The following MFSD2B variants were observed in gnomAD, a reference collection of about 807,000 sequenced individuals.
The protein encoded by MFSD2B is MFSD2 lysolipid transporter B, sphingolipid.
In MFSD2B, 56 loss-of-function variants were observed where a neutral mutation model predicts 58.4. That is an observed-to-expected ratio of 0.96 (90% CI 0.77 to 1.20). The LOEUF is 1.20. Ranked by LOEUF, MFSD2B falls within the 50% of genes most tolerant of loss-of-function variation. The pLI is 0.00. For synonymous variants in MFSD2B, 287 were observed against 294.4 expected (o/e 0.97, Z 0.26); for missense variants, 645 against 667.6 (o/e 0.97, Z 0.37).
Position 24,022,826 on chromosome 2 carries a change from C to G in MFSD2B, c.983C>G (p.Ser328Ter). Reference protein sequence around the residue: ...VQGLVLTVLVSAVLSTPLWEW... With the variant: ...VQGLVLTVLV Reference sequence around the variant, plus strand: ...GACGATGCTGTCTGCTCACAGGTCTCAGCCGTGCTGAGCACCCCGCTGTGG... The same window carrying G: ...GACGATGCTGTCTGCTCACAGGTCTGAGCCGTGCTGAGCACCCCGCTGTGG... Residue 328 changes from serine (S) to a stop codon, truncating the protein, a stop_gained, in exon 10 of 14, where the codon TCA (serine) becomes TGA (stop). Transcript: ENST00000338315. LOFTEE classifies it high-confidence loss of function. The surrounding 1 kb of genome is among the most constrained non-coding windows in gnomAD (Gnocchi z 4.5). The G allele has an allele frequency of 6.3e-7, 1 of 1,594,232 alleles. No individual in the cohort carries two copies. The highest frequency in any genetic ancestry group is 8.5e-7 in the Non-Finnish European group (1 of 1,171,414).
At chr2:24,016,790 T>G in intron 3 of MFSD2B, 55 bp from the exon 4 acceptor site, 1 of 1,600,064 alleles carries the variant, frequency 6.2e-7, no homozygotes, top group Non-Finnish European at 8.5e-7. Context: ...GCTGGGCCCT[T>G]TGTGTTCCCC....
rs538381798 is a variant in MFSD2B, at chr2:24,016,829, G to A, written c.348-16G>A. ...CTGGGTCGGGGGGCCGCTCCACCTCGGCTGTGCTTCCGCAGGGTGCTGGGC... is the reference window on the plus strand; with the variant it reads ...CTGGGTCGGGGGGCCGCTCCACCTCAGCTGTGCTTCCGCAGGGTGCTGGGC... On this transcript the variant is annotated splice_polypyrimidine_tract_variant and intron_variant, in intron 3 of 13. Transcript: ENST00000338315. 1.7e-5 allele frequency: 27 copies of A among 1,612,208 alleles called. No individual in the cohort carries two copies. Among genetic ancestry groups the A allele is most frequent in the African/African-American group, 2.7e-5 (2 of 75,062 alleles).
At position 24,017,504 on chromosome 2, in the gene MFSD2B, C is replaced by T. The variant is rs751506379; in HGVS notation, c.597C>T (p.His199=). The T allele has an allele frequency of 2.6e-5, 41 of 1,593,922 alleles. No homozygotes were observed. Among genetic ancestry groups the T allele is most frequent in the South Asian group, 1.1e-4 (10 of 87,696 alleles). The part of the protein sequence containing the change: ...MAGTLMGATV[H]GLIVSGAHRP... ...GAACACTGATGGGGGCCACTGTCCA[C>T]GGGCTCATCGTGTCCGGCGCCCACA... Residue 199 remains histidine (H), a synonymous_variant, in exon 6 of 14, where the codon CAC becomes CAT. Transcript: ENST00000338315. This position sits in a 1 kb window ranked among gnomAD's most constrained non-coding sequence, Gnocchi z 4.8.
Position 24,013,230 on chromosome 2 carries a change from G to A in MFSD2B, c.97-55G>A, listed in dbSNP as rs1488376647. On this transcript the variant is annotated intron_variant, in intron 1 of 13. Coordinates refer to ENST00000338315, the MANE Select transcript of MFSD2B (RefSeq NM_001346880.2). ...GATGTTTACTGAAGTCATGGGGTGT[G>A]GGGACCTGTTTTGTGTCTGTTGGGA... 18 of 1,521,956 alleles carry A rather than the reference G, an allele frequency of 1.2e-5. No homozygotes were observed. The South Asian group carries it at 2.2e-4, about 18-fold the overall frequency. 94.3% of individuals were successfully genotyped at this position (1,521,956 alleles called of 1,614,324 possible). A position where few individuals can be genotyped will look rare whatever the true frequency, so the allele number is the denominator to read the frequency against.
rs193121648 is a variant in MFSD2B at position 24,021,599 on chromosome 2, C to T, written c.682-49C>T. 303 of 1,544,662 alleles carry T rather than the reference C, an allele frequency of 2.0e-4. 1 individual carries two copies. In the African/African-American group the frequency reaches 3.6e-3, roughly 18 times the overall value. On this transcript the variant is annotated intron_variant, in intron 6 of 13. Coordinates refer to ENST00000338315, the MANE Select transcript of MFSD2B (RefSeq NM_001346880.2). This position sits in a 1 kb window ranked among gnomAD's most constrained non-coding sequence, Gnocchi z 5.7. The stretch of plus-strand genomic sequence containing the variant: ...TGCCCTGCCCCTCCGGTGTCACCAC[C>T]TCCAGGGGTTGAAGACATCACCCAT...
At position 24,012,257 on chromosome 2, in the gene MFSD2B, A is replaced by G. The variant is rs1708986466; in HGVS notation, c.97-1028A>G. ...GAGAGGAGATGGGATCTGATTATTT[A>G]TTTATTTATTTATGACTGAGTCTCT... is the stretch of plus-strand genomic sequence containing the variant. On this transcript the variant is annotated intron_variant, in intron 1 of 13. Transcript: ENST00000338315. This position sits in a 1 kb window ranked among gnomAD's most constrained non-coding sequence, Gnocchi z 4.5. 6.6e-6 allele frequency among the ~76,000 whole-genome samples: 1 copy of G among 151,700 alleles called. No homozygotes were observed. Among genetic ancestry groups the G allele is most frequent in the Non-Finnish European group, 1.5e-5 (1 of 67,988 alleles).
Position 24,023,511 on chromosome 2 carries a change from C to T in MFSD2B, c.1170-72C>T. On this transcript the variant is annotated intron_variant, in intron 11 of 13. Transcript: ENST00000338315. This position sits in a 1 kb window ranked among gnomAD's most constrained non-coding sequence, Gnocchi z 5.0. ...CTCAGGGATGAATCCACTTTGGCCT[C>T]CGTCCCCAGAGAATTCACAGGCTGC... The T allele has an allele frequency of 6.6e-7, 1 of 1,523,946 alleles. No individual in the cohort carries two copies. The highest frequency in any genetic ancestry group is 8.9e-7 in the Non-Finnish European group (1 of 1,129,016). 94.4% of individuals were successfully genotyped at this position (1,523,946 alleles called of 1,614,324 possible).
At chr2:24,011,786 T>G (rs1249608810) in intron 1 of MFSD2B, among the ~76,000 whole-genome samples, 2 of 152,120 alleles carry the variant, frequency 1.3e-5, no homozygotes, top group East Asian at 3.8e-4. Flanking sequence ...TACATTCCTG[T>G]AGGGAGAGGC....
Position 24,011,680 on chromosome 2 carries a change from G to A in MFSD2B, c.96+1488G>A, listed in dbSNP as rs113859342. 1.7e-3 allele frequency among the ~76,000 whole-genome samples: 263 copies of A among 152,258 alleles called. 1 individual carries two copies. Among genetic ancestry groups the A allele is most frequent in the African/African-American group, 6.1e-3 (252 of 41,552 alleles). ...CTTCATGGCCATTTATTGCTTCAAC[G>A]GATATATACTAAGCACCTACTGTAT... is the stretch of plus-strand genomic sequence containing the variant. On this transcript the variant is annotated intron_variant, in intron 1 of 13. Transcript: ENST00000338315.
rs1662763258 is a variant in MFSD2B, at chr2:24,021,039, G to A, written c.682-609G>A. On this transcript the variant is annotated intron_variant, in intron 6 of 13. Coordinates refer to ENST00000338315, the MANE Select transcript of MFSD2B (RefSeq NM_001346880.2). This position sits in a 1 kb window ranked among gnomAD's most constrained non-coding sequence, Gnocchi z 5.7. ...AGCCTCCTGAGTAGCTAGGATGACA[G>A]GCACCCGCCACCACACCCAGCTAAA... is the stretch of plus-strand genomic sequence containing the variant. Among the ~76,000 whole-genome samples the A allele has an allele frequency of 6.6e-6, 1 of 151,812 alleles. No individual in the cohort carries two copies. The highest frequency in any genetic ancestry group is 2.1e-4 in the South Asian group (1 of 4,810).
At position 24,026,286 on chromosome 2, in the gene MFSD2B, TA is replaced by T; in HGVS notation, c.*832del. On this transcript the variant is annotated 3_prime_UTR_variant, in exon 14 of 14. Coordinates refer to ENST00000338315, the MANE Select transcript of MFSD2B (RefSeq NM_001346880.2). ...GAAATCCTAAATGGTCCCTGTGACA[TA>T]AGAAATACACATTTGGTCTCTGCCC... is the stretch of plus-strand genomic sequence containing the variant. The T allele has an allele frequency of 6.6e-6, 1 of 152,332 alleles. No individual in the cohort carries two copies. The highest frequency in any genetic ancestry group is 1.5e-5 in the Non-Finnish European group (1 of 68,032). The allele number at this position is 152,332 out of a possible 1,614,324, so 9.4% of individuals were successfully genotyped here. A position where few individuals can be genotyped will look rare whatever the true frequency, so the allele number is the denominator to read the frequency against.
At chr2:24,015,675 G>A (rs914586509) in intron 2 of MFSD2B, among the ~76,000 whole-genome samples, 6 of 152,332 alleles carry the variant, frequency 3.9e-5, no homozygotes, top group Non-Finnish European at 7.3e-5. Flanking sequence ...TTTCTAATAA[G>A]TGTATTATTT....
chr2:24,021,616 A>G lies in MFSD2B; in HGVS notation c.682-32A>G. ...GTCACCACCTCCAGGGGTTGAAGAC[A>G]TCACCCATCCCAGTCCTGTCCTGTC... On this transcript the variant is annotated intron_variant, in intron 6 of 13. Coordinates refer to ENST00000338315, the MANE Select transcript of MFSD2B (RefSeq NM_001346880.2). The surrounding 1 kb of genome is among the most constrained non-coding windows in gnomAD (Gnocchi z 5.7). 1 of 1,585,064 alleles carries G rather than the reference A, an allele frequency of 6.3e-7. No homozygotes were observed. The highest frequency in any genetic ancestry group is 8.6e-7 in the Non-Finnish European group (1 of 1,160,816).
rs183437216 is a variant in MFSD2B at position 24,011,725 on chromosome 2, A to G, written c.96+1533A>G. 5.3e-5 allele frequency among the ~76,000 whole-genome samples: 8 copies of G among 152,362 alleles called. No individual in the cohort carries two copies. In the East Asian group the frequency reaches 1.5e-3, roughly 29 times the overall value. On this transcript the variant is annotated intron_variant, in intron 1 of 13. Coordinates refer to ENST00000338315, the MANE Select transcript of MFSD2B (RefSeq NM_001346880.2). ...CTGTATACCAAGCTTTGTTCTAGGTACTGGAAACACCATGATAAATAAAAG... is the reference window on the plus strand; with the variant it reads ...CTGTATACCAAGCTTTGTTCTAGGTGCTGGAAACACCATGATAAATAAAAG...
intron 2 of MFSD2B, among the ~76,000 whole-genome samples, chr2:24,014,577 T>C (rs1225110031): frequency 6.6e-6 from 1 of 152,204 alleles, no homozygotes; most frequent in Non-Finnish European, 1.5e-5. Flanking sequence ...TTAGAGTGAT[T>C]TCCATGATGC....
Position 24,010,105 on chromosome 2 carries a change from GC to G in MFSD2B, c.14del (p.Pro5LeufsTer52), listed in dbSNP as rs1558317347. MAA[P>X]PAPAAKGSPQ... ...GCGGCGCTGCGGTGGCAATGGCGGC[GC>G]CCCCTGCACCAGCCGCCAAGGGGTC... On this transcript the variant is annotated frameshift_variant, in exon 1 of 14. Transcript: ENST00000338315. LOFTEE classifies it high-confidence loss of function. The G allele has an allele frequency of 5.6e-6, 8 of 1,435,256 alleles. No individual in the cohort carries two copies. The highest frequency in any genetic ancestry group is 4.3e-5 in the South Asian group (3 of 70,554). 88.9% of individuals were successfully genotyped at this position (1,435,256 alleles called of 1,614,324 possible).
chr2:24,016,391 G>T, intron 3 of MFSD2B, 111 bp downstream of exon 3: 1 of 1,223,084 alleles, frequency 8.2e-7, no homozygotes, highest in Non-Finnish European at 1.1e-6. Flanking sequence ...TAGGAGACAA[G>T]ACTGGATAAT....
In MFSD2B at chr2:24,020,816, C is replaced by T. The variant is rs1246933119; in HGVS notation, c.682-832C>T. 6.6e-6 allele frequency among the ~76,000 whole-genome samples: 1 copy of T among 152,216 alleles called. No homozygotes were observed. The highest frequency in any genetic ancestry group is 1.5e-5 in the Non-Finnish European group (1 of 68,038). On this transcript the variant is annotated intron_variant, in intron 6 of 13. Transcript: ENST00000338315. The surrounding 1 kb of genome is among the most constrained non-coding windows in gnomAD (Gnocchi z 4.1). ...TCCTGGGTTCAAGGGATCCACCTGC[C>T]TCAGCTTCCCAAAGAGCTGGAATGA...
rs1464070052 is a variant in MFSD2B, at chr2:24,020,317, T to A, written c.682-1331T>A. Among the ~76,000 whole-genome samples the A allele has an allele frequency of 6.6e-6, 1 of 152,130 alleles. No homozygotes were observed. The highest frequency in any genetic ancestry group is 1.5e-5 in the Non-Finnish European group (1 of 68,008). ...ATTTCACTTACAAAATTGAAATCCA[T>A]TATAAAATTATTAAGAATCTCAAGA... On this transcript the variant is annotated intron_variant, in intron 6 of 13. Transcript: ENST00000338315. The surrounding 1 kb of genome is among the most constrained non-coding windows in gnomAD (Gnocchi z 4.1).
Sources: gnomAD v4.1 joint callset for allele counts (sites outside exome capture counted in the v4.1 genomes callset) on GRCh38, gnomAD v4.1.1 for gene constraint, Gnocchi (gnomAD v3.1) non-coding constraint, MANE v1.5 for transcripts, NCBI Gene and HGNC (gene_info 2026-07-23, HGNC 2026-07-21) for gene names.